MINDY4: variants seen among roughly 807,000 people sequenced by gnomAD.
The protein encoded by MINDY4 is probable ubiquitin carboxyl-terminal hydrolase MINDY-4.
A neutral mutation model predicts 87.0 loss-of-function variants in MINDY4; 68 were observed. The ratio of observed to expected loss-of-function variants is 0.78; its 90% CI spans 0.64 to 0.96. The LOEUF (loss-of-function observed/expected upper bound fraction) is 0.96. MINDY4 is among the 40% of genes least tolerant of loss of function. The probability of loss-of-function intolerance (pLI) is 0.00; values close to 1 mark genes in which losing one functional copy is unlikely to be tolerated. For synonymous variants in MINDY4, 379 were observed against 363.2 expected (o/e 1.04, Z -0.50); for missense variants, 919 against 928.2 (o/e 0.99, Z 0.13).
rs373140004 is a variant in MINDY4, at chr7:30,850,670, T to C, written c.1547+115T>C. 1.2e-4 allele frequency: 111 copies of C among 927,632 alleles called. No homozygotes were observed. In the East Asian group the frequency reaches 2.4e-3, roughly 20 times the overall value. The allele number at this position is 927,632 out of a possible 1,614,324, so 57.5% of individuals were successfully genotyped here. ...CTTCCGTTACCCACCCTGTGCCACA[T>C]GCTGGGATGAGCCCTGCAAGCCAGC... is the stretch of plus-strand genomic sequence containing the variant. On this transcript the variant is annotated intron_variant, in intron 10 of 17. Coordinates refer to ENST00000265299, the MANE Select transcript of MINDY4 (RefSeq NM_032222.3).
intron 1 of MINDY4, 119 bp downstream of exon 1, chr7:30,771,675 TC>T: frequency 1.1e-6 from 1 of 928,296 alleles, no homozygotes; most frequent in Non-Finnish European, 1.6e-6. Context: ...TACTGCCTGC[TC>T]CAGAGATGCC....
chr7:30,885,435 C>T (rs1333044524), intron 17 of MINDY4, among the ~76,000 whole-genome samples: 3 of 152,148 alleles, frequency 2.0e-5, no homozygotes, highest in South Asian at 2.1e-4. Flanking sequence ...TCGCTTGAAC[C>T]TGGGAGGCGA....
intron 5 of MINDY4, among the ~76,000 whole-genome samples, chr7:30,818,675 A>G (rs534039960): frequency 9.9e-5 from 15 of 152,220 alleles, no homozygotes; most frequent in South Asian, 6.2e-4. Context: ...AGATTTTCTT[A>G]TATTTGGTGG....
At chr7:30,830,428 G>C (rs1272158989) in intron 6 of MINDY4, among the ~76,000 whole-genome samples, 1 of 152,194 alleles carries the variant, frequency 6.6e-6, no homozygotes, top group Non-Finnish European at 1.5e-5. Flanking sequence ...CAGAAACTGA[G>C]TAATTTTTAA....
chr7:30,850,644 C>G (rs1789387428), intron 10 of MINDY4, 89 bp downstream of exon 10: 2 of 1,144,048 alleles, frequency 1.7e-6, no homozygotes, highest in Middle Eastern at 5.5e-4. Flanking sequence ...ATCCTTGGGT[C>G]CTTCCGTTAC....
chr7:30,819,257 T>C (rs188549827), intron 5 of MINDY4, among the ~76,000 whole-genome samples: 4 of 152,348 alleles, frequency 2.6e-5, no homozygotes, highest in African/African-American at 9.6e-5. Flanking sequence ...ATGTTAACCA[T>C]TTTGAAATAT....
rs77067592 is a variant in MINDY4, at chr7:30,785,955, G to A, written c.626G>A (p.Arg209Gln). The change falls in exon 4 of 18, where the codon CGA (arginine) becomes CAA (glutamine). Residue 209 changes from arginine (R) to glutamine (Q), a missense_variant. Transcript: ENST00000265299. Reference protein sequence around the residue: ...NSRPKSGLIVRGMMSGPIASS... With the variant: ...NSRPKSGLIVQGMMSGPIASS... ...AGGCCAAAGTCTGGTCTGATTGTGC[G>A]AGGCATGATGTCTGGGCCCATCGCC... 6.1e-4 allele frequency: 984 copies of A among 1,614,206 alleles called. 3 individuals are homozygous for A. The African/African-American group carries it at 0.01, about 17-fold the overall frequency.
intron 12 of MINDY4, among the ~76,000 whole-genome samples, chr7:30,857,492 A>G (rs1168791075): frequency 6.8e-5 from 1 of 14,752 alleles, no homozygotes; most frequent in Non-Finnish European, 9.0e-5. Flanking sequence ...TTTTTTTTTG[A>G]GACGGAGTCT....
In MINDY4 at chr7:30,853,785, TTCTC is replaced by T. The variant is rs878904352; in HGVS notation, c.1677+330_1677+333del. 8.3e-4 allele frequency among the ~76,000 whole-genome samples: 126 copies of T among 152,298 alleles called. 1 individual carries two copies. The highest frequency in any genetic ancestry group is 2.8e-3 in the African/African-American group (117 of 41,570). The stretch of plus-strand genomic sequence containing the variant: ...CTGTTAGATGGAGGTCACCAGAGCT[TTCTC>T]TCTGTCTGAGTGGAAGCAGCCGCCA... On this transcript the variant is annotated intron_variant, in intron 12 of 17. Coordinates refer to ENST00000265299, the MANE Select transcript of MINDY4 (RefSeq NM_032222.3).
chr7:30,796,645 C>G (rs183502823), intron 5 of MINDY4: 5 of 152,132 alleles, frequency 3.3e-5, no homozygotes, highest in African/African-American at 9.6e-5. Flanking sequence ...AAAATAGAGC[C>G]CCAGAGAACA....
chr7:30,836,853 T>A, intron 7 of MINDY4, 89 bp downstream of exon 7: 2 of 935,030 alleles, frequency 2.1e-6, no homozygotes, highest in Non-Finnish European at 3.3e-6. Context: ...CCAATCCAGC[T>A]CATTGTAATC....
chr7:30,885,561 G>A (rs1007814547), intron 17 of MINDY4, among the ~76,000 whole-genome samples: 2 of 152,034 alleles, frequency 1.3e-5, no homozygotes, highest in African/African-American at 2.4e-5. Context: ...ACAAAGCGCC[G>A]TGCCCCACAC....
intron 6 of MINDY4, among the ~76,000 whole-genome samples, chr7:30,832,214 G>A (rs59432103): frequency 0.18 from 27,972 of 152,152 alleles, 3,276 homozygotes; most frequent in African/African-American, 0.32. Context: ...CAGGCAGAGC[G>A]TGTTTCAGGC....
chr7:30,888,647 C>A (rs1329699778), intron 17 of MINDY4, among the ~76,000 whole-genome samples: 1 of 152,166 alleles, frequency 6.6e-6, no homozygotes, highest in Non-Finnish European at 1.5e-5. Context: ...CCATTCCAAT[C>A]GGGGAACGAT....
At chr7:30,816,430 C>T (rs1007260980) in intron 5 of MINDY4, among the ~76,000 whole-genome samples, 1 of 152,062 alleles carries the variant, frequency 6.6e-6, no homozygotes, top group African/African-American at 2.4e-5. Context: ...TTGTGAAGGA[C>T]GTGTGCCAAG....
At chr7:30,855,990 T>A (rs983372991) in intron 12 of MINDY4, among the ~76,000 whole-genome samples, 6 of 152,242 alleles carry the variant, frequency 3.9e-5, no homozygotes, top group African/African-American at 1.4e-4. Context: ...CCTGGAAATG[T>A]ATACCAAGCC....
Position 30,892,203 on chromosome 7 carries a change from G to A in MINDY4, c.*198G>A. The A allele has an allele frequency of 1.7e-6, 1 of 595,192 alleles. No individual in the cohort carries two copies. The allele number at this position is 595,192 out of a possible 1,614,324, so 36.9% of individuals were successfully genotyped here. ...TGCTGGGGACCCAGTGTGTTGCTGG[G>A]TCCCCTCCCAGCTGAGCTGTGACTG... is the stretch of plus-strand genomic sequence containing the variant. On this transcript the variant is annotated 3_prime_UTR_variant, in exon 18 of 18. Coordinates refer to ENST00000265299, the MANE Select transcript of MINDY4 (RefSeq NM_032222.3).
intron 6 of MINDY4, among the ~76,000 whole-genome samples, chr7:30,829,233 C>G (rs572449317): frequency 3.3e-5 from 5 of 152,356 alleles, no homozygotes; most frequent in African/African-American, 1.2e-4. Context: ...TAACTGCTCT[C>G]TAAGATCAAT....
intron 5 of MINDY4, among the ~76,000 whole-genome samples, chr7:30,802,257 G>A (rs1209194801): frequency 2.0e-5 from 3 of 151,554 alleles, no homozygotes; most frequent in South Asian, 2.1e-4. Context: ...GAAGCATCTA[G>A]GATGCAAAAT....
Sources: gnomAD v4.1 joint callset for allele counts (sites outside exome capture counted in the v4.1 genomes callset) on GRCh38, gnomAD v4.1.1 for gene constraint, MANE v1.5 for transcripts, NCBI Gene and HGNC (gene_info 2026-07-23, HGNC 2026-07-21) for gene names.